Variants in MICAL2 observed in about 807,000 individuals in gnomAD.
MICAL2 encodes [F-actin]-monooxygenase MICAL2.
A neutral mutation model predicts 127.3 loss-of-function variants in MICAL2; 77 were observed. That is an observed-to-expected ratio of 0.60 (90% CI 0.50 to 0.73). The LOEUF (loss-of-function observed/expected upper bound fraction) is 0.73. MICAL2 is among the 30% of genes least tolerant of loss of function. The pLI, the probability that MICAL2 is intolerant of heterozygous loss-of-function variation, is 0.00. For missense variants in MICAL2, 1,351 were observed against 1,434.4 expected (o/e 0.94, Z 0.94); for synonymous variants, 570 against 551.1 (o/e 1.03, Z -0.48).
chr11:12,236,339 C>G (rs1859054078), intron 16 of MICAL2, 94 bp downstream of exon 16: 1 of 1,123,728 alleles, frequency 8.9e-7, no homozygotes, highest in South Asian at 1.3e-5. Context: ...TGGCCCTGTT[C>G]CTTCCCTCTC....
At chr11:12,227,308 C>T in intron 15 of MICAL2, 177 bp downstream of exon 15, 1 of 568,544 alleles carries the variant, frequency 1.8e-6, no homozygotes, top group Non-Finnish European at 3.1e-6. Context: ...TTCTTCCTGG[C>T]ACTGTGTAGC....
At chr11:12,148,580 C>G (rs1278296744) in intron 2 of MICAL2, among the ~76,000 whole-genome samples, 1 of 152,134 alleles carries the variant, frequency 6.6e-6, no homozygotes, top group Admixed American at 6.5e-5. Context: ...GGCAGCCACA[C>G]TCTAGCCACT....
chr11:12,216,379 G>T lies in MICAL2; in HGVS notation c.948+60G>T, dbSNP rs183557547. The T allele has an allele frequency of 4.7e-4, 616 of 1,308,648 alleles. 5 individuals carry two copies. The highest frequency in any genetic ancestry group is 3.3e-5 in the Non-Finnish European group (30 of 906,386). The allele number at this position is 1,308,648 out of a possible 1,614,324, so 81.1% of individuals were successfully genotyped here. On this transcript the variant is annotated intron_variant, in intron 8 of 27. Transcript: ENST00000683283. ...CGACCTGGGCTGGTGACATCAGCAG[G>T]TGTGAAGGCAGATGTCGTCCTGCCA... is the stretch of plus-strand genomic sequence containing the variant.
chr11:12,197,233 G>A (rs753080213), intron 3 of MICAL2, among the ~76,000 whole-genome samples: 2 of 152,142 alleles, frequency 1.3e-5, no homozygotes, highest in Non-Finnish European at 2.9e-5. Context: ...TTTGAGTATG[G>A]GCTCAGAGGC....
chr11:12,214,226 T>C (rs944222547), intron 7 of MICAL2, among the ~76,000 whole-genome samples: 1 of 152,226 alleles, frequency 6.6e-6, no homozygotes, highest in Non-Finnish European at 1.5e-5. Context: ...TTTTCCTTTC[T>C]TTTTAACCTG....
chr11:12,357,237 G>T (rs1485933069), intron 34 of MICAL2, among the ~76,000 whole-genome samples: 3 of 152,164 alleles, frequency 2.0e-5, no homozygotes, highest in Non-Finnish European at 2.9e-5. Flanking sequence ...GGGGCTCTAG[G>T]AATTTAGAAA....
intron 31 of MICAL2, among the ~76,000 whole-genome samples, chr11:12,325,914 GC>G (rs1348321063): frequency 6.6e-6 from 1 of 152,230 alleles, no homozygotes; most frequent in African/African-American, 2.4e-5. Context: ...CAGCATGCCA[GC>G]AAGAGATGGA....
intron 3 of MICAL2, among the ~76,000 whole-genome samples, chr11:12,168,058 T>C (rs1020779975): frequency 1.3e-5 from 2 of 151,802 alleles, no homozygotes; most frequent in African/African-American, 4.8e-5. Flanking sequence ...CCCCAGCACT[T>C]TGGGAGGCTA....
chr11:12,335,138 T>C (rs77245948), intron 32 of MICAL2, among the ~76,000 whole-genome samples: 18,521 of 129,146 alleles, frequency 0.14, 1,778 homozygotes, highest in African/African-American at 0.23. Flanking sequence ...TTTTAATGAT[T>C]GCCGTTCTAA....
chr11:12,258,569 C>T lies in MICAL2; in HGVS notation c.3231+13C>T, dbSNP rs1456047814. On this transcript the variant is annotated intron_variant, in intron 25 of 27. Transcript: ENST00000683283. The stretch of plus-strand genomic sequence containing the variant: ...GCAACAAAGAGAGGTATGTTTGTCT[C>T]AAACATGCTGGTGAAACGGGGAAGG... 1.9e-6 allele frequency: 3 copies of T among 1,609,802 alleles called. No individual in the cohort carries two copies. In the African/African-American group the frequency reaches 4.0e-5, roughly 22 times the overall value.
chr11:12,204,341 A>T lies in MICAL2; in HGVS notation c.356A>T (p.Asp119Val). 6.2e-7 allele frequency: 1 copy of T among 1,612,996 alleles called. No homozygotes were observed. Among genetic ancestry groups the T allele is most frequent in the African/African-American group, 1.3e-5 (1 of 74,656 alleles). The change falls in exon 4 of 28, where the codon GAC becomes GTC. Residue 119 changes from aspartate to valine, a missense_variant. Transcript: ENST00000683283. ...AAAGTGGTCGTGGTGGAGAAGAGGG[A>T]CTCCTTCTCCCGGAACAACGTGCTA... ...GAKVVVVEKR[D>V]SFSRNNVLHL...
At chr11:12,309,610 T>C (rs1864149295) in intron 29 of MICAL2, among the ~76,000 whole-genome samples, 1 of 152,220 alleles carries the variant, frequency 6.6e-6, no homozygotes, top group Admixed American at 6.5e-5. Context: ...TGCTGTATCT[T>C]GGCTATTCTG....
At chr11:12,298,785 G>A (rs958065590) in intron 29 of MICAL2, among the ~76,000 whole-genome samples, 15 of 151,954 alleles carry the variant, frequency 9.9e-5, no homozygotes, top group African/African-American at 1.9e-4. Context: ...TTAATATTAC[G>A]AATTATATCG....
chr11:12,269,849 G>A (rs1223819316), intron 24 of MICAL2, among the ~76,000 whole-genome samples: 2 of 152,236 alleles, frequency 1.3e-5, no homozygotes, highest in African/African-American at 4.8e-5. Flanking sequence ...TACACACACG[G>A]GCCAGGTCCA....
At chr11:12,294,187 C>G, downstream of MICAL2, 1 of 1,613,944 alleles carries the variant, frequency 6.2e-7, no homozygotes. Flanking sequence ...AGATGGGGAC[C>G]CCTGCGGAAC....
In MICAL2 at chr11:12,233,256, TCAAA is replaced by T. The variant is rs1329812574; in HGVS notation, c.1996-2920_1996-2917del. ...CTTCTTATAGTTAAGGAAACTGAAG[TCAAA>T]GTAGTTGGATGGTTTTCCTGAGATC... On this transcript the variant is annotated intron_variant, in intron 15 of 27. Transcript: ENST00000683283. Among the ~76,000 whole-genome samples, 3 of 152,224 alleles carry T rather than the reference TCAAA, an allele frequency of 2.0e-5. No individual in the cohort carries two copies. The East Asian group carries it at 5.8e-4, about 29-fold the overall frequency.
At chr11:12,323,224 T>C (rs1355593180) in intron 30 of MICAL2, among the ~76,000 whole-genome samples, 1 of 152,208 alleles carries the variant, frequency 6.6e-6, no homozygotes, top group Admixed American at 6.5e-5. Flanking sequence ...TTAAAATTTT[T>C]TTAACAAGCA....
upstream of MICAL2, among the ~76,000 whole-genome samples, chr11:12,273,471 T>G (rs1590716900): frequency 1.3e-5 from 2 of 151,522 alleles, no homozygotes; most frequent in East Asian, 3.9e-4. Flanking sequence ...TGTAGACACG[T>G]GCACACAGCA....
chr11:12,275,149 G>A (rs1863711624), upstream of MICAL2, among the ~76,000 whole-genome samples: 1 of 152,206 alleles, frequency 6.6e-6, no homozygotes, highest in Non-Finnish European at 1.5e-5. Context: ...GCAACAGGAA[G>A]CTGAAGTTGC....
Sources: gnomAD v4.1 joint callset for allele counts (sites outside exome capture counted in the v4.1 genomes callset) on GRCh38, gnomAD v4.1.1 for gene constraint, MANE v1.5 for transcripts, NCBI Gene and HGNC (gene_info 2026-07-23, HGNC 2026-07-21) for gene names.